Variants in ATG4B observed in about 807,000 individuals in gnomAD.
The protein encoded by ATG4B is cysteine protease ATG4B.
In ATG4B, 29 loss-of-function variants were observed where a neutral mutation model predicts 56.6. The observed-to-expected ratio is 0.51, with a 90% CI of 0.38 to 0.70. The LOEUF (loss-of-function observed/expected upper bound fraction) is 0.70. Ranked by LOEUF, ATG4B falls within the 30% of genes least tolerant of loss-of-function variation. The pLI is 0.00. For synonymous variants in ATG4B, 224 were observed against 206.1 expected (o/e 1.09, Z -0.74); for missense variants, 461 against 515.5 (o/e 0.89, Z 1.02).
chr2:241,641,846 A>C (rs1350529042), intron 1 of ATG4B, among the ~76,000 whole-genome samples: 2 of 152,188 alleles, frequency 1.3e-5, no homozygotes, highest in Non-Finnish European at 2.9e-5. Flanking sequence ...AGGAGGTGGC[A>C]GGCAGACCAC....
intron 1 of ATG4B, among the ~76,000 whole-genome samples, chr2:241,643,256 G>A (rs1410349799): frequency 1.6e-4 from 25 of 151,862 alleles, no homozygotes; most frequent in Admixed American, 1.5e-3. Flanking sequence ...TCAGACTGGA[G>A]TATGGTGTTG....
intron 1 of ATG4B, chr2:241,638,346 C>T (rs1368105614): frequency 6.6e-6 from 1 of 151,656 alleles, no homozygotes; most frequent in East Asian, 1.9e-4. Context: ...TTCTTGGGGT[C>T]CTAAGAGAGA....
At chr2:241,662,410 A>G (rs188622002) in intron 7 of ATG4B, among the ~76,000 whole-genome samples, 50 of 152,330 alleles carry the variant, frequency 3.3e-4, no homozygotes, top group Admixed American at 2.8e-3. Flanking sequence ...TGTACTGTGT[A>G]GTTGTCATTG....
chr2:241,670,891 G>A (rs2068947356), intron 11 of ATG4B, 109 bp downstream of exon 11: 1 of 1,165,906 alleles, frequency 8.6e-7, no homozygotes, highest in African/African-American at 1.5e-5. Context: ...GCCTCACTGG[G>A]CCGTGGGGAG....
chr2:241,672,029 G>T, intron 12 of ATG4B, 162 bp from the exon 13 acceptor site: 3 of 1,395,580 alleles, frequency 2.1e-6, no homozygotes, highest in South Asian at 3.4e-5. Flanking sequence ...CCCCATATTC[G>T]CAGGTCTGCA....
intron 1 of ATG4B, among the ~76,000 whole-genome samples, chr2:241,648,794 T>G (rs973258291): frequency 6.6e-6 from 1 of 152,126 alleles, no homozygotes; most frequent in Non-Finnish European, 1.5e-5. Flanking sequence ...TGTAGGGCCC[T>G]CTATTGTGGA....
At chr2:241,654,367 G>A (rs2068324061) in intron 4 of ATG4B, among the ~76,000 whole-genome samples, 179 bp from the exon 5 acceptor site, 1 of 148,256 alleles carries the variant, frequency 6.7e-6, no homozygotes, top group African/African-American at 2.5e-5. Flanking sequence ...GTTGCAGTGA[G>A]CCGAGATCAC....
intron 6 of ATG4B, among the ~76,000 whole-genome samples, chr2:241,656,503 G>A (rs1005865122): frequency 6.6e-6 from 1 of 152,216 alleles, no homozygotes; most frequent in Middle Eastern, 3.4e-3. Flanking sequence ...CCAAGTCAGC[G>A]CTGTTTCTCT....
At chr2:241,644,853 G>A (rs2068014751) in intron 1 of ATG4B, among the ~76,000 whole-genome samples, 1 of 151,924 alleles carries the variant, frequency 6.6e-6, no homozygotes, top group African/African-American at 2.4e-5. Context: ...GGAGGCTGAG[G>A]CAGGAGAATC....
chr2:241,649,156 C>T (rs2068153686), intron 1 of ATG4B, among the ~76,000 whole-genome samples: 1 of 152,198 alleles, frequency 6.6e-6, no homozygotes, highest in Admixed American at 6.5e-5. Context: ...ATTCTGACTG[C>T]CCCCTGCCTC....
rs1186162063 is a variant in ATG4B, at chr2:241,672,310, G to C, written c.*46G>C. The C allele has an allele frequency of 2.7e-6, 4 of 1,498,480 alleles. No homozygotes were observed. Among genetic ancestry groups the C allele is most frequent in the Non-Finnish European group, 3.6e-6 (4 of 1,098,990 alleles). 92.8% of individuals were successfully genotyped at this position (1,498,480 alleles called of 1,614,324 possible). Reference sequence around the variant, plus strand: ...GCACCTGTGAGAGCCTGGGGCTCCTGGTGCCGCTGCGTTTCATCCATCCCG... The same window carrying C: ...GCACCTGTGAGAGCCTGGGGCTCCTCGTGCCGCTGCGTTTCATCCATCCCG... On this transcript the variant is annotated 3_prime_UTR_variant, in exon 13 of 13. Transcript: ENST00000404914.
chr2:241,644,400 G>A (rs1158884985), intron 1 of ATG4B, among the ~76,000 whole-genome samples: 1 of 152,212 alleles, frequency 6.6e-6, no homozygotes, highest in Non-Finnish European at 1.5e-5. Context: ...ATCTGCAGAT[G>A]TTAGTGATTG....
chr2:241,660,701 C>CT (rs1480060487), intron 7 of ATG4B, among the ~76,000 whole-genome samples: 2 of 151,742 alleles, frequency 1.3e-5, no homozygotes, highest in African/African-American at 4.8e-5. Flanking sequence ...TTTTCAAAAA[C>CT]TTACATAGTT....
At chr2:241,643,694 T>TCCCCCCCCCCC (rs200143016) in intron 1 of ATG4B, among the ~76,000 whole-genome samples, 3 of 121,902 alleles carry the variant, frequency 2.5e-5, no homozygotes, top group African/African-American at 1.1e-4. Context: ...GTATATATTT[T>TCCCCCCCCCCC]CCCCCCCCCC....
chr2:241,670,208 G>A (rs970730091), intron 10 of ATG4B, among the ~76,000 whole-genome samples: 3 of 152,110 alleles, frequency 2.0e-5, no homozygotes, highest in African/African-American at 4.8e-5. Flanking sequence ...CATTACAGGC[G>A]GCAGCTTTAA....
rs141145294 is a variant in ATG4B, at chr2:241,651,813, G to A, written c.184+478G>A. ...TTTTAGTATTTTCCACACTTAACCT[G>A]TGGGGAGATTTGAAGGGCCAGGTGA... On this transcript the variant is annotated intron_variant, in intron 3 of 12. Coordinates refer to ENST00000404914, the MANE Select transcript of ATG4B (RefSeq NM_013325.5). This position sits in a 1 kb window ranked among gnomAD's most constrained non-coding sequence, Gnocchi z 4.1. 3.3e-5 allele frequency: 35 copies of A among 1,054,744 alleles called. No homozygotes were observed. Among genetic ancestry groups the A allele is most frequent in the South Asian group, 2.1e-4 (16 of 75,670 alleles). The allele number at this position is 1,054,744 out of a possible 1,614,324, so 65.3% of individuals were successfully genotyped here.
At chr2:241,669,913 C>CT (rs150813722) in intron 10 of ATG4B, among the ~76,000 whole-genome samples, 26,170 of 152,104 alleles carry the variant, frequency 0.17, 2,493 homozygotes, top group Non-Finnish European at 0.22. Context: ...GATTGGCACT[C>CT]TAACAGTCAG....
At chr2:241,671,230 G>C in intron 11 of ATG4B, 82 bp from the exon 12 acceptor site, 2 of 1,245,668 alleles carry the variant, frequency 1.6e-6, no homozygotes, top group Non-Finnish European at 2.3e-6. Flanking sequence ...TTGTCCGCTG[G>C]CTGTGGCCGG....
In ATG4B at chr2:241,666,684, C is replaced by T. The variant is rs745817538; in HGVS notation, c.578C>T (p.Thr193Ile). Reference sequence around the variant, plus strand: ...ACCAGCGTTCCCTGTGCAGGCGCCACTGCGTTTCCTGCAGATTCCGACCGG... The same window carrying T: ...ACCAGCGTTCCCTGTGCAGGCGCCATTGCGTTTCCTGCAGATTCCGACCGG... The part of the protein sequence containing the change: ...CRTSVPCAGA[T>I]AFPADSDRHC... The change falls in exon 8 of 13, where the codon ACT becomes ATT. Residue 193 changes from threonine (T) to isoleucine (I), a missense_variant. By Grantham distance (89) the Thr-to-Ile change is moderately conservative. Transcript: ENST00000404914. 33 of 1,613,522 alleles carry T rather than the reference C, an allele frequency of 2.0e-5. No homozygotes were observed. In the South Asian group the frequency reaches 3.5e-4, roughly 17 times the overall value.
Sources: allele counts gnomAD v4.1 joint callset (sites outside exome capture counted in the v4.1 genomes callset), GRCh38; gene constraint gnomAD v4.1.1; non-coding constraint Gnocchi (gnomAD v3.1); transcripts MANE v1.5; gene names NCBI Gene and HGNC (gene_info 2026-07-23, HGNC 2026-07-21).